TRIM24: variants seen among roughly 807,000 people sequenced by gnomAD.
TRIM24 encodes tripartite motif containing 24, also known as transcription intermediary factor 1-alpha.
TRIM24 carries 29 observed loss-of-function variants against 123.9 expected under a neutral mutation model. The ratio of observed to expected loss-of-function variants is 0.23; its 90% CI spans 0.17 to 0.32. The LOEUF is 0.32. Among genes scored for constraint, TRIM24 ranks in the 10% least tolerant of loss-of-function variants. The pLI is 1.00. For synonymous variants in TRIM24, 456 were observed against 461.1 expected (o/e 0.99, Z 0.14); for missense variants, 932 against 1,295.3 (o/e 0.72, Z 4.31).
rs141058467 is a variant in TRIM24, at chr7:138,560,860, C to T, written c.1530+5894C>T. Among the ~76,000 whole-genome samples, 338 of 152,238 alleles carry T rather than the reference C, an allele frequency of 2.2e-3. 2 individuals are homozygous for T. The highest frequency in any genetic ancestry group is 7.7e-3 in the African/African-American group (319 of 41,544). Reference sequence around the variant, plus strand: ...AAGCTAGGGCTTCCTTTTTACAATGCGGGGTAGTCATTCCTGCCTGTTTTG... The same window carrying T: ...AAGCTAGGGCTTCCTTTTTACAATGTGGGGTAGTCATTCCTGCCTGTTTTG... On this transcript the variant is annotated intron_variant, in intron 9 of 18. Coordinates refer to ENST00000343526, the MANE Select transcript of TRIM24 (RefSeq NM_015905.3).
chr7:138,473,499 C>G (rs573365184), intron 1 of TRIM24, among the ~76,000 whole-genome samples: 1 of 152,318 alleles, frequency 6.6e-6, no homozygotes, highest in Non-Finnish European at 1.5e-5. Flanking sequence ...TTTCTCCACT[C>G]TAAAGCTATC....
intron 11 of TRIM24, among the ~76,000 whole-genome samples, chr7:138,572,662 C>T (rs1797681492): frequency 6.6e-6 from 1 of 152,114 alleles, no homozygotes; most frequent in African/African-American, 2.4e-5. Flanking sequence ...CAAACTGTGC[C>T]CTATGGCTGT....
chr7:138,535,873 C>G (rs1302254875), intron 6 of TRIM24, among the ~76,000 whole-genome samples: 1 of 152,068 alleles, frequency 6.6e-6, no homozygotes, highest in Non-Finnish European at 1.5e-5. Context: ...TAGATTTGGT[C>G]TTTTCACATA....
At chr7:138,469,580 G>A (rs1367319954) in intron 1 of TRIM24, among the ~76,000 whole-genome samples, 1 of 151,994 alleles carries the variant, frequency 6.6e-6, no homozygotes, top group African/African-American at 2.4e-5. Flanking sequence ...GGGATTACAG[G>A]TGTGAGCTGC....
chr7:138,580,538 C>CT (rs1162642373), intron 15 of TRIM24, 24 bp from the exon 16 acceptor site: 1 of 1,595,676 alleles, frequency 6.3e-7, no homozygotes, highest in East Asian at 2.2e-5. Context: ...ATTAGGAATT[C>CT]AAAAGTACAT....
chr7:138,550,490 A>G (rs1222829619), intron 7 of TRIM24, among the ~76,000 whole-genome samples: 1 of 152,140 alleles, frequency 6.6e-6, no homozygotes, highest in Non-Finnish European at 1.5e-5. Context: ...AAGAACTAAA[A>G]TCTTCAAGGA....
chr7:138,562,504 A>T (rs1298262485), intron 9 of TRIM24, among the ~76,000 whole-genome samples: 2 of 152,038 alleles, frequency 1.3e-5, no homozygotes, highest in African/African-American at 4.8e-5. Context: ...TACTGGCAGG[A>T]GTGGGATGTT....
chr7:138,581,688 T>TTTGC lies in TRIM24; in HGVS notation c.2719-6_2719-3dup. ...TATTTTATCTCAGTTTTTATTTATT[T>TTTGC]TTGCTTAGAAGTGTGAGCGCCTACT... On this transcript the variant is annotated splice_polypyrimidine_tract_variant and intron_variant, in intron 16 of 18. Transcript: ENST00000343526. The TTTGC allele has an allele frequency of 6.2e-7, 1 of 1,603,110 alleles. No homozygotes were observed. Among genetic ancestry groups the TTTGC allele is most frequent in the Non-Finnish European group, 8.5e-7 (1 of 1,174,358 alleles).
At chr7:138,492,292 A>AAAAAAAGG (rs1795807938) in intron 1 of TRIM24, among the ~76,000 whole-genome samples, 1 of 151,374 alleles carries the variant, frequency 6.6e-6, no homozygotes, top group South Asian at 2.1e-4. Context: ...AAAAAAAAAA[A>AAAAAAAGG]AAAAAAGGGA....
At chr7:138,555,953 A>G (rs1797308569) in intron 9 of TRIM24, among the ~76,000 whole-genome samples, 1 of 152,122 alleles carries the variant, frequency 6.6e-6, no homozygotes. Flanking sequence ...CACTGGCATT[A>G]AGTGTCATTT....
chr7:138,483,876 GC>G (rs1795587386), intron 1 of TRIM24, among the ~76,000 whole-genome samples: 1 of 152,144 alleles, frequency 6.6e-6, no homozygotes, highest in African/African-American at 2.4e-5. Context: ...TTAAGCATAA[GC>G]AGAAATTGTG....
chr7:138,497,696 G>A (rs1022463601), intron 1 of TRIM24, among the ~76,000 whole-genome samples: 3 of 150,126 alleles, frequency 2.0e-5, no homozygotes, highest in Admixed American at 2.0e-4. Context: ...CGCCCAGCCT[G>A]TTGTTGGTTT....
chr7:138,467,606 G>GGCTC (rs1795173899), intron 1 of TRIM24, among the ~76,000 whole-genome samples: 2 of 152,140 alleles, frequency 1.3e-5, no homozygotes, highest in African/African-American at 4.8e-5. Flanking sequence ...CTCCCAAAGT[G>GGCTC]CTGATATTGA....
At chr7:138,502,550 T>C (rs1226350917) in intron 1 of TRIM24, among the ~76,000 whole-genome samples, 2 of 152,178 alleles carry the variant, frequency 1.3e-5, no homozygotes, top group African/African-American at 4.8e-5. Context: ...CATTGTAGAG[T>C]GTGCACATGA....
Position 138,570,982 on chromosome 7 carries a change from T to C in TRIM24, c.1857T>C (p.Tyr619=), listed in dbSNP as rs1482576763. 1.4e-5 allele frequency: 23 copies of C among 1,614,034 alleles called. No individual in the cohort carries two copies. The highest frequency in any genetic ancestry group is 2.2e-5 in the East Asian group (1 of 44,890). ...IDLSSPVGGS[Y]NLPSLPDIDC... ...TGAGCTCACCAGTGGGAGGGTCTTA[T>C]AATCTTCCCTCTCTTCCGGATGTAA... Residue 619 remains tyrosine (Y), a synonymous_variant, in exon 11 of 19, where the codon TAT becomes TAC. Transcript: ENST00000343526.
At chr7:138,558,958 T>C (rs1398466085) in intron 9 of TRIM24, among the ~76,000 whole-genome samples, 1 of 152,308 alleles carries the variant, frequency 6.6e-6, no homozygotes, top group South Asian at 2.1e-4. Context: ...ACAAGTACCA[T>C]AGTGCCCTGT....
At chr7:138,517,785 A>G (rs1796431799) in intron 3 of TRIM24, among the ~76,000 whole-genome samples, 1 of 152,048 alleles carries the variant, frequency 6.6e-6, no homozygotes, top group Non-Finnish European at 1.5e-5. Flanking sequence ...CAAATGGCTG[A>G]TTACTGAGCA....
intron 7 of TRIM24, among the ~76,000 whole-genome samples, chr7:138,540,021 C>T (rs948775918): frequency 2.0e-5 from 3 of 152,024 alleles, no homozygotes; most frequent in Non-Finnish European, 4.4e-5. Context: ...AGGATGGTCC[C>T]GATCTCCTGA....
intron 1 of TRIM24, among the ~76,000 whole-genome samples, chr7:138,480,535 C>A (rs1353875475): frequency 6.6e-6 from 1 of 152,046 alleles, no homozygotes; most frequent in Admixed American, 6.6e-5. Context: ...CTGTTTTTTG[C>A]TCTTTTTAAA....
Sources: gnomAD v4.1 joint callset for allele counts (sites outside exome capture counted in the v4.1 genomes callset) on GRCh38, gnomAD v4.1.1 for gene constraint, MANE v1.5 for transcripts, NCBI Gene and HGNC (gene_info 2026-07-23, HGNC 2026-07-21) for gene names.